GAPVD1: variants seen among roughly 807,000 people sequenced by gnomAD.
GAPVD1 encodes the protein GTPase-activating protein and VPS9 domain-containing protein 1.
GAPVD1 carries 35 observed loss-of-function variants against 155.5 expected under a neutral mutation model. The ratio of observed to expected loss-of-function variants is 0.23; its 90% CI spans 0.17 to 0.30. The LOEUF (loss-of-function observed/expected upper bound fraction) is 0.30. Ranked by LOEUF, GAPVD1 falls within the 10% of genes least tolerant of loss-of-function variation. The probability of loss-of-function intolerance (pLI) is 1.00; values close to 1 mark genes in which losing one functional copy is unlikely to be tolerated. For synonymous variants in GAPVD1, 636 were observed against 619.7 expected (o/e 1.03, Z -0.39); for missense variants, 1,429 against 1,775.7 (o/e 0.80, Z 3.51).
intron 3 of GAPVD1, among the ~76,000 whole-genome samples, chr9:125,298,463 G>A (rs1285463212): frequency 1.3e-5 from 2 of 149,572 alleles, no homozygotes; most frequent in Non-Finnish European, 3.0e-5. Flanking sequence ...AGTTAAAAGT[G>A]GCATCAAATG....
rs1851123661 is a variant in GAPVD1, at chr9:125,362,769, C to T, written c.*23C>T. On this transcript the variant is annotated 3_prime_UTR_variant, in exon 28 of 28. Transcript: ENST00000297933. The stretch of plus-strand genomic sequence containing the variant: ...TGACCAAGACCAAGGCCCACCAAGG[C>T]AGCAGACTGTTAATCAGACAAACAG... 1 of 1,607,988 alleles carries T rather than the reference C, an allele frequency of 6.2e-7. No homozygotes were observed. The highest frequency in any genetic ancestry group is 1.1e-5 in the South Asian group (1 of 90,160).
At position 125,328,636 on chromosome 9, in the gene GAPVD1, A is replaced by G. The variant is rs1248832724; in HGVS notation, c.2033-1442A>G. On this transcript the variant is annotated intron_variant, in intron 12 of 27. Coordinates refer to ENST00000297933, the MANE Select transcript of GAPVD1 (RefSeq NM_001282680.3). ...GACAGGGCAACCATCCGATTTCTCA[A>G]TCTTTTCCCCACCTTTCCCGCCTTT... Among the ~76,000 whole-genome samples, 67 of 150,300 alleles carry G rather than the reference A, an allele frequency of 4.5e-4. No homozygotes were observed. In the East Asian group the frequency reaches 0.013, roughly 29 times the overall value.
chr9:125,302,477 C>G lies in GAPVD1; in HGVS notation c.680C>G (p.Ser227Cys). 6.2e-7 allele frequency: 1 copy of G among 1,613,660 alleles called. No homozygotes were observed. The highest frequency in any genetic ancestry group is 1.1e-5 in the South Asian group (1 of 91,070). Residue 227 changes from serine (S) to cysteine (C), a missense_variant, in exon 5 of 28, where the codon TCT becomes TGT. Physicochemically the swap from Ser to Cys is moderately radical, Grantham distance 112. This residue lies in a region of GAPVD1 where 628 missense variants were observed against 733.4 expected (regional missense o/e 0.86). Transcript: ENST00000297933. The part of the protein sequence containing the change: ...TDPNKLIERF[S>C]PSQQEKLFGE... ...CCAAACAAGCTAATTGAGAGGTTCT[C>G]TCCATCTCAGCAGGAAAAACTCTTT...
intron 2 of GAPVD1, among the ~76,000 whole-genome samples, chr9:125,287,311 G>T (rs1414088856): frequency 2.6e-5 from 4 of 152,294 alleles, no homozygotes; most frequent in South Asian, 4.1e-4. Context: ...GCAAAGGCAG[G>T]TGGATCACTT....
chr9:125,335,241 A>G (rs145786844), intron 15 of GAPVD1: 2 of 765,744 alleles, frequency 2.6e-6, no homozygotes, highest in Non-Finnish European at 4.9e-6. Context: ...ATGAGAATCC[A>G]GCTGTCTTCT....
intron 2 of GAPVD1, among the ~76,000 whole-genome samples, chr9:125,276,550 G>T (rs989476349): frequency 2.0e-5 from 3 of 152,124 alleles, no homozygotes; most frequent in Admixed American, 6.6e-5. Context: ...TTAGCTGAGC[G>T]TGATGGTGTA....
chr9:125,292,886 C>G (rs1838840455), intron 2 of GAPVD1, among the ~76,000 whole-genome samples: 1 of 152,164 alleles, frequency 6.6e-6, no homozygotes, highest in African/African-American at 2.4e-5. Flanking sequence ...TTAATATATT[C>G]TGGCACTATT....
intron 2 of GAPVD1, 53 bp downstream of exon 2, chr9:125,269,037 A>G (rs779048421): frequency 1.3e-5 from 2 of 151,922 alleles, no homozygotes; most frequent in African/African-American, 2.4e-5. Context: ...AAGTTTGCCT[A>G]CAGCTACAAA....
At chr9:125,345,012 A>G (rs567773342) in intron 19 of GAPVD1, among the ~76,000 whole-genome samples, 6 of 152,000 alleles carry the variant, frequency 3.9e-5, no homozygotes, top group African/African-American at 1.5e-4. Flanking sequence ...ATACTCAGGG[A>G]ATTGGTTCCA....
At chr9:125,361,267 C>T (rs753917441) in intron 27 of GAPVD1, among the ~76,000 whole-genome samples, 7 of 150,944 alleles carry the variant, frequency 4.6e-5, no homozygotes, top group East Asian at 2.0e-4. Flanking sequence ...AGGTTGGGCG[C>T]GGTGGCTCAC....
At chr9:125,305,371 G>GTTTTT (rs34474690) in intron 6 of GAPVD1, among the ~76,000 whole-genome samples, 4 of 111,572 alleles carry the variant, frequency 3.6e-5, no homozygotes, top group Non-Finnish European at 5.4e-5. Flanking sequence ...ATTTTAAAAA[G>GTTTTT]TTTTTTTTTT....
chr9:125,359,472 A>T lies in GAPVD1; in HGVS notation c.4024A>T (p.Arg1342Ter), dbSNP rs1053044712. The change falls in exon 26 of 28, where the codon AGA becomes TGA. Residue 1342 changes from arginine (R) to a stop codon, truncating the protein, a stop_gained. Transcript: ENST00000297933. LOFTEE classifies it high-confidence loss of function. The stretch of plus-strand genomic sequence containing the variant: ...GTCTAAAGTAGTGACTGCAAATCAC[A>T]GAGCTCTTCAGATACCAGAGGTAAT... ...RLSKVVTANH[R>*]ALQIPEVYLR... 6.4e-7 allele frequency: 1 copy of T among 1,569,630 alleles called. No homozygotes were observed. Among genetic ancestry groups the T allele is most frequent in the Non-Finnish European group, 8.8e-7 (1 of 1,139,880 alleles).
At chr9:125,315,308 T>C (rs1371522228) in intron 9 of GAPVD1, among the ~76,000 whole-genome samples, 2 of 152,168 alleles carry the variant, frequency 1.3e-5, no homozygotes, top group African/African-American at 4.8e-5. Flanking sequence ...AATCAACTTA[T>C]TTGGAACTCT....
At chr9:125,352,256 C>T (rs1849398297) in intron 23 of GAPVD1, among the ~76,000 whole-genome samples, 2 of 152,244 alleles carry the variant, frequency 1.3e-5, no homozygotes, top group Admixed American at 1.3e-4. Flanking sequence ...TGTGGGGGCT[C>T]CGATCCCACA....
intron 2 of GAPVD1, among the ~76,000 whole-genome samples, chr9:125,285,182 A>G (rs947899275): frequency 6.6e-6 from 1 of 152,236 alleles, no homozygotes; most frequent in Non-Finnish European, 1.5e-5. Flanking sequence ...CCAGCCATAG[A>G]TAATATATAA....
chr9:125,303,763 C>T (rs577063719), intron 5 of GAPVD1, among the ~76,000 whole-genome samples: 18 of 124,906 alleles, frequency 1.4e-4, no homozygotes, highest in South Asian at 2.5e-4. Flanking sequence ...GCAACAAGAG[C>T]GAAACTCCGT....
chr9:125,288,876 A>G (rs933042687), intron 2 of GAPVD1, among the ~76,000 whole-genome samples: 8 of 152,242 alleles, frequency 5.3e-5, no homozygotes, highest in South Asian at 4.1e-4. Flanking sequence ...AGAAAAAACA[A>G]TGCAGGGAAA....
rs762159994 is a variant in GAPVD1, at chr9:125,337,537, G to A, written c.2823G>A (p.Val941=). 1 of 1,614,056 alleles carries A rather than the reference G, an allele frequency of 6.2e-7. No individual in the cohort carries two copies. The highest frequency in any genetic ancestry group is 1.1e-5 in the South Asian group (1 of 91,076). Residue 941 remains valine (V), a synonymous_variant, in exon 17 of 28, where the codon GTG becomes GTA. Coordinates refer to ENST00000297933, the MANE Select transcript of GAPVD1 (RefSeq NM_001282680.3). ...PAAAIGATSL[V]AAPHSSSSSP... ...CAGCCATTGGTGCTACTTCTTTGGT[G>A]GCTGCACCTCATTCATCATCTTCAT...
Position 125,361,549 on chromosome 9 carries a change from G to A in GAPVD1, c.4242+824G>A, listed in dbSNP as rs576860057. The stretch of plus-strand genomic sequence containing the variant: ...AAAAAAAAAAAAAGCAGTGCCTGAA[G>A]TTCTTAGTTGGGGCTCAGTATATAA... On this transcript the variant is annotated intron_variant, in intron 27 of 27. Transcript: ENST00000297933. Among the ~76,000 whole-genome samples the A allele has an allele frequency of 4.0e-5, 6 of 151,708 alleles. No homozygotes were observed. In the South Asian group the frequency reaches 1.0e-3, roughly 26 times the overall value.
Sources: allele counts gnomAD v4.1 joint callset (sites outside exome capture counted in the v4.1 genomes callset), GRCh38; gene constraint gnomAD v4.1.1; regional missense constraint gnomAD v4.1.1; transcripts MANE v1.5; gene names NCBI Gene and HGNC (gene_info 2026-07-23, HGNC 2026-07-21).